The following PHLDB2 variants were observed in gnomAD, a reference collection of about 807,000 sequenced individuals.
PHLDB2 encodes the protein pleckstrin homology-like domain family B member 2.
Under a neutral mutation model 123.6 loss-of-function variants are expected in PHLDB2, and 71 were observed. The ratio of observed to expected loss-of-function variants is 0.57; its 90% CI spans 0.47 to 0.70. The LOEUF is 0.70. PHLDB2 is among the 30% of genes least tolerant of loss of function. The pLI is 0.00. For synonymous variants in PHLDB2, 547 were observed against 541.6 expected (o/e 1.01, Z -0.14); for missense variants, 1,446 against 1,519.5 (o/e 0.95, Z 0.80).
intron 1 of PHLDB2, among the ~76,000 whole-genome samples, chr3:111,819,700 C>T (rs1576728961): frequency 6.6e-6 from 1 of 152,284 alleles, no homozygotes. Flanking sequence ...AGAAAACAAA[C>T]CCACTATTAT....
At chr3:111,892,525 TCC>T (rs1364680979) in intron 2 of PHLDB2, among the ~76,000 whole-genome samples, 1 of 152,192 alleles carries the variant, frequency 6.6e-6, no homozygotes, top group Non-Finnish European at 1.5e-5. Context: ...GTAGTTTGCA[TCC>T]CTGGTTCCCA....
At chr3:111,756,835 G>T (rs1240654206) in intron 1 of PHLDB2, among the ~76,000 whole-genome samples, 1 of 152,086 alleles carries the variant, frequency 6.6e-6, no homozygotes, top group Non-Finnish European at 1.5e-5. Context: ...CTCTTTTAGG[G>T]CAGGCCTGGT....
intron 6 of PHLDB2, among the ~76,000 whole-genome samples, chr3:111,935,913 A>G (rs922059473): frequency 6.6e-6 from 1 of 152,162 alleles, no homozygotes; most frequent in Admixed American, 6.5e-5. Flanking sequence ...GCATCCTTCA[A>G]TCCAATCAGG....
chr3:111,857,640 A>G (rs983942397), upstream of PHLDB2, among the ~76,000 whole-genome samples: 3 of 152,132 alleles, frequency 2.0e-5, no homozygotes, highest in African/African-American at 7.2e-5. Flanking sequence ...GCAGGGCAAA[A>G]ACTCAGGACA....
intron 1 of PHLDB2, among the ~76,000 whole-genome samples, chr3:111,838,756 G>A (rs2063534527): frequency 6.6e-6 from 1 of 151,978 alleles, no homozygotes; most frequent in Non-Finnish European, 1.5e-5. Flanking sequence ...TGTGTTCTCG[G>A]TATTATCTGT....
chr3:111,959,126 G>C (rs996142718), intron 12 of PHLDB2, among the ~76,000 whole-genome samples: 2 of 152,230 alleles, frequency 1.3e-5, no homozygotes, highest in Non-Finnish European at 1.5e-5. Context: ...CCCGTCCCCT[G>C]ATCTTCTATG....
chr3:111,928,662 A>T (rs1300861465), intron 5 of PHLDB2, among the ~76,000 whole-genome samples: 2 of 152,180 alleles, frequency 1.3e-5, no homozygotes, highest in Non-Finnish European at 2.9e-5. Context: ...AATTTTATAA[A>T]CTGATTTCTA....
intron 1 of PHLDB2, among the ~76,000 whole-genome samples, chr3:111,883,792 C>T (rs149424855): frequency 8.5e-5 from 13 of 152,352 alleles, no homozygotes; most frequent in African/African-American, 2.2e-4. Context: ...CAGCCTAATC[C>T]TGCACCTTTA....
At chr3:111,881,370 G>C (rs775589652) in intron 1 of PHLDB2, among the ~76,000 whole-genome samples, 6 of 152,046 alleles carry the variant, frequency 3.9e-5, no homozygotes, top group Non-Finnish European at 5.9e-5. Flanking sequence ...TGTTATTCAG[G>C]GTTTATAGTA....
intron 1 of PHLDB2, among the ~76,000 whole-genome samples, chr3:111,787,366 G>C (rs998001965): frequency 1.3e-4 from 20 of 152,196 alleles, no homozygotes; most frequent in Admixed American, 3.9e-4. Context: ...TTAGAGAACA[G>C]TTAACTTTAA....
At chr3:111,930,078 A>AT (rs757234108) in intron 5 of PHLDB2, among the ~76,000 whole-genome samples, 3,323 of 140,732 alleles carry the variant, frequency 0.024, 94 homozygotes, top group African/African-American at 0.07. Flanking sequence ...TGCCCAGCTA[A>AT]TTTTTTTTTT....
intron 8 of PHLDB2, among the ~76,000 whole-genome samples, chr3:111,943,507 TC>T (rs1227244265): frequency 6.6e-6 from 1 of 152,088 alleles, no homozygotes; most frequent in Non-Finnish European, 1.5e-5. Flanking sequence ...AAGACTTGTA[TC>T]CACAACATAT....
At chr3:111,879,388 T>C (rs2065824545) in intron 1 of PHLDB2, among the ~76,000 whole-genome samples, 1 of 152,210 alleles carries the variant, frequency 6.6e-6, no homozygotes, top group Non-Finnish European at 1.5e-5. Flanking sequence ...TAATGAAGTA[T>C]AGAAATGATC....
At chr3:111,928,448 C>T (rs1262929105) in intron 5 of PHLDB2, among the ~76,000 whole-genome samples, 1 of 152,122 alleles carries the variant, frequency 6.6e-6, no homozygotes, top group Non-Finnish European at 1.5e-5. Context: ...GTTACTAAGC[C>T]TTCTATCCCT....
intron 6 of PHLDB2, among the ~76,000 whole-genome samples, chr3:111,934,938 T>A (rs552712302): frequency 2.7e-4 from 41 of 152,230 alleles, no homozygotes; most frequent in African/African-American, 6.0e-4. Flanking sequence ...GTCTACTAAT[T>A]GTAGATATCA....
intron 5 of PHLDB2, among the ~76,000 whole-genome samples, chr3:111,924,639 C>T (rs1038905328): frequency 4.6e-5 from 7 of 152,192 alleles, no homozygotes; most frequent in South Asian, 2.1e-4. Context: ...TTCCATACAC[C>T]TGTTGCTGTG....
At chr3:111,934,707 G>C (rs1015726466) in intron 6 of PHLDB2, among the ~76,000 whole-genome samples, 5 of 152,172 alleles carry the variant, frequency 3.3e-5, no homozygotes, top group Admixed American at 1.3e-4. Flanking sequence ...TCTGGTAGTT[G>C]ATATGGGCAC....
chr3:111,831,038 G>GA lies in PHLDB2; in HGVS notation c.-48-14781dup, dbSNP rs1559855434. On this transcript the variant is annotated intron_variant, in intron 1 of 17. Coordinates refer to the PHLDB2 transcript ENST00000393923. ...GAAAGAAAGAAAGAAAGAAAGGAAG[G>GA]AAGGAAGAAAGAGAAAAGAGAGAGA... Among the ~76,000 whole-genome samples, 4 of 54,992 alleles carry GA rather than the reference G, an allele frequency of 7.3e-5. 1 individual carries two copies. The highest frequency in any genetic ancestry group is 1.1e-4 in the African/African-American group (2 of 17,858). The allele number at this position is 54,992 out of a possible 152,430, so 36.1% of individuals were successfully genotyped here. A position where few individuals can be genotyped will look rare whatever the true frequency, so the allele number is the denominator to read the frequency against.
intron 5 of PHLDB2, among the ~76,000 whole-genome samples, chr3:111,930,709 A>G (rs890312500): frequency 1.3e-5 from 2 of 151,390 alleles, no homozygotes; most frequent in Admixed American, 1.3e-4. Flanking sequence ...TTGTTCTGTT[A>G]ATAATGCCAT....
Sources: gnomAD v4.1 joint callset for allele counts (sites outside exome capture counted in the v4.1 genomes callset) on GRCh38, gnomAD v4.1.1 for gene constraint, MANE v1.5 for transcripts, NCBI Gene and HGNC (gene_info 2026-07-23, HGNC 2026-07-21) for gene names.